The following LUZP2 variants were observed in gnomAD, a reference collection of about 807,000 sequenced individuals.
The protein encoded by LUZP2 is leucine zipper protein 2.
In LUZP2, 52 loss-of-function variants were observed where a neutral mutation model predicts 51.6. The ratio of observed to expected loss-of-function variants is 1.01; its 90% CI spans 0.81 to 1.27. The LOEUF (loss-of-function observed/expected upper bound fraction) is 1.27, where lower values mean the gene tolerates loss of function less well. LUZP2 is among the 50% of genes most tolerant of loss of function. The pLI is 0.00. For synonymous variants in LUZP2, 154 were observed against 137.3 expected (o/e 1.12, Z -0.85); for missense variants, 436 against 395.4 (o/e 1.10, Z -0.87).
At chr11:24,912,498 A>T (rs1853665422) in intron 6 of LUZP2, among the ~76,000 whole-genome samples, 2 of 152,090 alleles carry the variant, frequency 1.3e-5, no homozygotes, top group African/African-American at 4.8e-5. Flanking sequence ...TCACAAATTG[A>T]GTACACTGCA....
At chr11:24,519,443 T>C (rs2133796499) in intron 1 of LUZP2, among the ~76,000 whole-genome samples, 1 of 152,314 alleles carries the variant, frequency 6.6e-6, no homozygotes, top group South Asian at 2.1e-4. Context: ...ATTGTTTAGT[T>C]ATGTTTATAA....
At chr11:24,844,723 T>C (rs779209708) in intron 5 of LUZP2, among the ~76,000 whole-genome samples, 48 of 152,190 alleles carry the variant, frequency 3.2e-4, no homozygotes, top group Non-Finnish European at 5.1e-4. Context: ...GGACTTAGTG[T>C]CCTGTGTCCC....
chr11:24,833,706 G>GAA, intron 5 of LUZP2, among the ~76,000 whole-genome samples: 1 of 124,364 alleles, frequency 8.0e-6, no homozygotes, highest in Non-Finnish European at 1.7e-5. Context: ...CTGCCACCGC[G>GAA]CGCGCGCACA....
intron 5 of LUZP2, among the ~76,000 whole-genome samples, chr11:24,854,583 G>A (rs1387556997): frequency 6.6e-6 from 1 of 151,548 alleles, no homozygotes; most frequent in African/African-American, 2.4e-5. Context: ...GCTGAGCTAG[G>A]CCACTTGGCT....
chr11:24,620,559 C>T (rs1329123787), intron 1 of LUZP2, among the ~76,000 whole-genome samples: 1 of 152,164 alleles, frequency 6.6e-6, no homozygotes, highest in Non-Finnish European at 1.5e-5. Flanking sequence ...AGATCAAATA[C>T]TGCAAAAGTG....
chr11:24,539,503 A>T (rs559715936), intron 1 of LUZP2, among the ~76,000 whole-genome samples: 1 of 152,092 alleles, frequency 6.6e-6, no homozygotes, highest in South Asian at 2.1e-4. Context: ...TAGTTTAAGC[A>T]GTATCAAATC....
intron 9 of LUZP2, among the ~76,000 whole-genome samples, chr11:25,013,243 G>A (rs562842846): frequency 6.6e-6 from 1 of 152,098 alleles, no homozygotes; most frequent in African/African-American, 2.4e-5. Context: ...GGAGGAGGAT[G>A]AAGAGGAGTG....
chr11:24,575,607 C>G (rs1424656768), intron 1 of LUZP2, among the ~76,000 whole-genome samples: 2 of 152,040 alleles, frequency 1.3e-5, no homozygotes. Flanking sequence ...ATTTTAAGCA[C>G]TTTGGCTTGA....
At chr11:24,921,568 G>A (rs1428191560) in intron 7 of LUZP2, among the ~76,000 whole-genome samples, 1 of 152,200 alleles carries the variant, frequency 6.6e-6, no homozygotes, top group South Asian at 2.1e-4. Context: ...TTTTAAAGCC[G>A]CATTTTTGTT....
chr11:24,966,903 A>T (rs887993071), intron 7 of LUZP2, among the ~76,000 whole-genome samples: 3 of 147,580 alleles, frequency 2.0e-5, no homozygotes, highest in African/African-American at 7.4e-5. Context: ...TATATATATT[A>T]TATATATATA....
intron 7 of LUZP2, among the ~76,000 whole-genome samples, chr11:24,952,884 G>A (rs980010770): frequency 4.6e-5 from 7 of 151,762 alleles, no homozygotes; most frequent in Non-Finnish European, 8.8e-5. Context: ...TATTGTCATG[G>A]GTTGAAGAGC....
intron 10 of LUZP2, among the ~76,000 whole-genome samples, chr11:25,058,557 T>C (rs1397232694): frequency 6.6e-6 from 1 of 152,212 alleles, no homozygotes; most frequent in East Asian, 1.9e-4. Flanking sequence ...ATGTATTTTG[T>C]CTTTCATCAC....
chr11:24,838,440 G>C (rs1344320505), intron 5 of LUZP2, among the ~76,000 whole-genome samples: 2 of 151,488 alleles, frequency 1.3e-5, no homozygotes, highest in African/African-American at 4.8e-5. Context: ...ACATGGAAAA[G>C]GTCTTCTGAT....
intron 1 of LUZP2, among the ~76,000 whole-genome samples, chr11:24,728,352 T>G: frequency 6.6e-6 from 1 of 151,876 alleles, no homozygotes; most frequent in Non-Finnish European, 1.5e-5. Context: ...AGATACAGTA[T>G]ACTATTAATT....
rs753647707 is a variant in LUZP2 at position 24,566,623 on chromosome 11, T to TACAC, written c.62+69338_62+69341dup. On this transcript the variant is annotated intron_variant, in intron 1 of 11. Transcript: ENST00000336930. ...ATATATATGTATGTATGTATAGATA[T>TACAC]ACACACACACACACACACACACAAA... Among the ~76,000 whole-genome samples the TACAC allele has an allele frequency of 1.0e-4, 15 of 145,278 alleles. No homozygotes were observed. In the East Asian group the frequency reaches 1.4e-3, roughly 14 times the overall value.
chr11:24,896,491 C>T (rs115292832), intron 5 of LUZP2, among the ~76,000 whole-genome samples: 5,099 of 152,246 alleles, frequency 0.033, 278 homozygotes, highest in African/African-American at 0.11. Context: ...ACCCATGCTG[C>T]GCTCAAATTC....
At chr11:24,886,974 C>G (rs896962853) in intron 5 of LUZP2, among the ~76,000 whole-genome samples, 1 of 152,070 alleles carries the variant, frequency 6.6e-6, no homozygotes. Flanking sequence ...CAGAAAACTT[C>G]TTTTACCTGG....
chr11:24,965,000 T>G (rs1855539408), intron 7 of LUZP2, among the ~76,000 whole-genome samples: 1 of 151,514 alleles, frequency 6.6e-6, no homozygotes, highest in Non-Finnish European at 1.5e-5. Flanking sequence ...TAGTTCAGAG[T>G]CTAGAACCTA....
At chr11:24,665,614 C>A (rs1470490126) in intron 1 of LUZP2, among the ~76,000 whole-genome samples, 1 of 152,116 alleles carries the variant, frequency 6.6e-6, no homozygotes, top group African/African-American at 2.4e-5. Flanking sequence ...CATTTCCCCC[C>A]ATGCTATTCT....
Sources: gnomAD v4.1 joint callset for allele counts (sites outside exome capture counted in the v4.1 genomes callset) on GRCh38, gnomAD v4.1.1 for gene constraint, MANE v1.5 for transcripts, NCBI Gene and HGNC (gene_info 2026-07-23, HGNC 2026-07-21) for gene names.